The following DTWD2 variants were observed in gnomAD, a reference collection of about 807,000 sequenced individuals.
DTWD2 encodes the protein DTW motif tRNA-uridine aminocarboxypropyltransferase 2, also known as tRNA-uridine aminocarboxypropyltransferase 2.
DTWD2 carries 39 observed loss-of-function variants against 31.8 expected under a neutral mutation model. The observed-to-expected ratio is 1.22, with a 90% CI of 0.95 to 1.60. DTWD2 has a LOEUF of 1.60. Ranked by LOEUF, DTWD2 falls within the 40% of genes most tolerant of loss-of-function variation. The pLI is 0.00. For missense variants in DTWD2, 515 were observed against 381.5 expected, an observed-to-expected ratio of 1.35 and a Z score of -2.92; for synonymous variants, 180 against 142.8, an observed-to-expected ratio of 1.26 and a Z score of -1.86.
At chr5:118,947,533 C>T (rs1283017025) in intron 1 of DTWD2, among the ~76,000 whole-genome samples, 1 of 152,174 alleles carries the variant, frequency 6.6e-6, no homozygotes, top group South Asian at 2.1e-4. Flanking sequence ...CCCTACCATA[C>T]AGCTGCCTTT....
chr5:118,978,128 T>TA (rs570794272), intron 1 of DTWD2, among the ~76,000 whole-genome samples: 20 of 144,736 alleles, frequency 1.4e-4, no homozygotes, highest in Non-Finnish European at 2.7e-4. Context: ...TTTTTTTTTT[T>TA]AACTTTTTTT....
intron 4 of DTWD2, among the ~76,000 whole-genome samples, chr5:118,857,790 T>G (rs1046853672): frequency 6.6e-6 from 1 of 152,234 alleles, no homozygotes; most frequent in African/African-American, 2.4e-5. Context: ...AATCTGATGA[T>G]TCACACAGTA....
At chr5:118,967,811 A>G (rs547735847) in intron 1 of DTWD2, among the ~76,000 whole-genome samples, 2 of 152,348 alleles carry the variant, frequency 1.3e-5, no homozygotes, top group South Asian at 2.1e-4. Flanking sequence ...CACCATAGCC[A>G]TAATTGTTGC....
chr5:118,959,724 C>T (rs1253440068), intron 1 of DTWD2, among the ~76,000 whole-genome samples: 1 of 152,094 alleles, frequency 6.6e-6, no homozygotes, highest in East Asian at 1.9e-4. Context: ...GCTACAGTAA[C>T]CAAAACAGCA....
chr5:118,983,878 G>A (rs191998798), intron 1 of DTWD2, among the ~76,000 whole-genome samples: 64 of 152,204 alleles, frequency 4.2e-4, no homozygotes, highest in African/African-American at 1.0e-3. Flanking sequence ...AGCTGGGCGC[G>A]GTGGCTCTCA....
chr5:118,886,919 G>A (rs1752880355), intron 4 of DTWD2, among the ~76,000 whole-genome samples: 1 of 152,058 alleles, frequency 6.6e-6, no homozygotes, highest in African/African-American at 2.4e-5. Flanking sequence ...AATTTTATAA[G>A]GGTAGAAAAT....
At chr5:118,963,192 A>T (rs2149594098) in intron 1 of DTWD2, among the ~76,000 whole-genome samples, 2 of 152,396 alleles carry the variant, frequency 1.3e-5, no homozygotes, top group Middle Eastern at 6.8e-3. Flanking sequence ...AATATAGTAG[A>T]GAAAAAAGAC....
intron 1 of DTWD2, among the ~76,000 whole-genome samples, chr5:118,966,846 G>A (rs1212299200): frequency 7.9e-5 from 12 of 151,938 alleles, no homozygotes; most frequent in African/African-American, 2.7e-4. Context: ...CCTGACCAAT[G>A]TGGTGAAACC....
intron 4 of DTWD2, among the ~76,000 whole-genome samples, chr5:118,868,194 A>AATACGAG (rs1292115693): frequency 1.3e-5 from 2 of 152,154 alleles, no homozygotes; most frequent in African/African-American, 4.8e-5. Flanking sequence ...TGGTGTCAGA[A>AATACGAG]ATACGAGATA....
At chr5:118,909,451 C>A (rs527983670) in intron 4 of DTWD2, among the ~76,000 whole-genome samples, 2 of 152,306 alleles carry the variant, frequency 1.3e-5, no homozygotes, top group South Asian at 4.1e-4. Flanking sequence ...CTTTTACTAA[C>A]AAGGGCCTAC....
Position 118,944,548 on chromosome 5 carries a change from C to G in DTWD2, c.309+11G>C, listed in dbSNP as rs1164610159. 1 of 1,611,344 alleles carries G rather than the reference C, an allele frequency of 6.2e-7. No individual in the cohort carries two copies. Among genetic ancestry groups the G allele is most frequent in the East Asian group, 2.2e-5 (1 of 44,678 alleles). ...ATTCTATTTGAAATCCTGTATTTTA[C>G]AAAATCTTACCTCTGCTGGATGCTG... is the stretch of plus-strand genomic sequence containing the variant. On this transcript the variant is annotated intron_variant, in intron 2 of 5. Transcript: ENST00000510708.
intron 1 of DTWD2, among the ~76,000 whole-genome samples, chr5:118,985,490 T>TTATATGTATATATATATA (rs1554072599): frequency 1.0e-5 from 1 of 95,428 alleles, no homozygotes; most frequent in Admixed American, 1.2e-4. Context: ...ATGTGCATTT[T>TTATATGTATATATATATA]TATATATATA....
rs776138869 is a variant in DTWD2 at position 118,866,916 on chromosome 5, C to CA, written c.598-18699dup. On this transcript the variant is annotated intron_variant, in intron 4 of 5. Transcript: ENST00000510708. ...TGGGTGACAGAGTGAGACTCTGTCTCAAAAAAAAAAATGAAAATAAAAAAA... is the reference window on the plus strand; with the variant it reads ...TGGGTGACAGAGTGAGACTCTGTCTCAAAAAAAAAAAATGAAAATAAAAAAA... Among the ~76,000 whole-genome samples, 520 of 131,106 alleles carry CA rather than the reference C, an allele frequency of 4.0e-3. 4 individuals are homozygous for CA. The Middle Eastern group carries it at 0.04, about 10-fold the overall frequency. The allele number at this position is 131,106 out of a possible 152,430, so 86.0% of individuals were successfully genotyped here. A position where few individuals can be genotyped will look rare whatever the true frequency, so the allele number is the denominator to read the frequency against.
At chr5:118,869,889 T>C (rs562722207) in intron 4 of DTWD2, among the ~76,000 whole-genome samples, 1 of 152,120 alleles carries the variant, frequency 6.6e-6, no homozygotes, top group African/African-American at 2.4e-5. Flanking sequence ...AGGTGTTGGA[T>C]CACGGAGGCA....
At chr5:118,946,310 T>A (rs1754337784) in intron 1 of DTWD2, among the ~76,000 whole-genome samples, 1 of 152,112 alleles carries the variant, frequency 6.6e-6, no homozygotes, top group Non-Finnish European at 1.5e-5. Flanking sequence ...TGAGGAGATT[T>A]TTGAGATGGA....
rs1410626528 is a variant in DTWD2, at chr5:118,840,404, A to C, written c.*513T>G. On this transcript the variant is annotated 3_prime_UTR_variant, in exon 6 of 6. Coordinates refer to ENST00000510708, the MANE Select transcript of DTWD2 (RefSeq NM_173666.4). ...TGAGTTCAAATTTGGCCCCTAAACA[A>C]TACTTAAAATTTCCTTATTCCTTTA... 1 of 152,206 alleles carries C rather than the reference A, an allele frequency of 6.6e-6. No individual in the cohort carries two copies. Among genetic ancestry groups the C allele is most frequent in the African/African-American group, 2.4e-5 (1 of 41,446 alleles). 9.4% of individuals were successfully genotyped at this position (152,206 alleles called of 1,614,324 possible).
chr5:118,973,751 G>C, intron 1 of DTWD2: 7 of 1,606,884 alleles, frequency 4.4e-6, no homozygotes, highest in Non-Finnish European at 5.9e-6. Context: ...CTGAACTCTC[G>C]CTTTCTTTTT....
chr5:118,881,526 T>C (rs1456383206), intron 4 of DTWD2, among the ~76,000 whole-genome samples: 1 of 152,182 alleles, frequency 6.6e-6, no homozygotes, highest in Non-Finnish European at 1.5e-5. Context: ...AAACAAATAC[T>C]ACTGGTCTTA....
chr5:118,920,228 A>T (rs1753671188), intron 4 of DTWD2, among the ~76,000 whole-genome samples: 1 of 152,132 alleles, frequency 6.6e-6, no homozygotes, highest in African/African-American at 2.4e-5. Context: ...TACATACATT[A>T]ATTTCAAGGA....
Sources: allele counts gnomAD v4.1 joint callset (sites outside exome capture counted in the v4.1 genomes callset), GRCh38; gene constraint gnomAD v4.1.1; transcripts MANE v1.5; gene names NCBI Gene and HGNC (gene_info 2026-07-23, HGNC 2026-07-21).